The following DCP2 variants were observed in gnomAD, a reference collection of about 807,000 sequenced individuals.
DCP2 encodes the protein decapping mRNA 2, also known as m7GpppN-mRNA hydrolase.
A neutral mutation model predicts 56.1 loss-of-function variants in DCP2; 30 were observed. That is an observed-to-expected ratio of 0.53 (90% CI 0.40 to 0.73). The LOEUF is 0.73. Ranked by LOEUF, DCP2 falls within the 30% of genes least tolerant of loss-of-function variation. The pLI, the probability that DCP2 is intolerant of heterozygous loss-of-function variation, is 0.00. For synonymous variants in DCP2, 197 were observed against 163.3 expected, an observed-to-expected ratio of 1.21 and a Z score of -1.57; for missense variants, 533 against 502.7, an observed-to-expected ratio of 1.06 and a Z score of -0.58.
intron 7 of DCP2, among the ~76,000 whole-genome samples, chr5:113,003,652 A>G (rs1158657996): frequency 2.6e-5 from 4 of 152,212 alleles, no homozygotes; most frequent in African/African-American, 9.6e-5. Flanking sequence ...GTACACTATA[A>G]TCACTTATAG....
At chr5:112,991,881 C>A (rs1302695117) in intron 2 of DCP2, among the ~76,000 whole-genome samples, 2 of 152,122 alleles carry the variant, frequency 1.3e-5, no homozygotes, top group Non-Finnish European at 2.9e-5. Flanking sequence ...AAAAAGTTAA[C>A]AATGACTTTT....
At position 112,992,242 on chromosome 5, in the gene DCP2, T is replaced by G. The variant is rs1477147658; in HGVS notation, c.327T>G (p.Leu109=). 5 of 1,610,276 alleles carry G rather than the reference T, an allele frequency of 3.1e-6. No homozygotes were observed. Among genetic ancestry groups the G allele is most frequent in the Non-Finnish European group, 4.2e-6 (5 of 1,179,004 alleles). ...TYGAIILDET[L]ENVLLVQGYL... is the part of the protein sequence containing the mutation. ...GTGCAATTATTCTTGATGAGACACT[T>G]GAAAATGTGAGTGTAATGAAATAAA... Residue 109 remains leucine, a synonymous_variant, in exon 3 of 11, where the codon CTT becomes CTG. Transcript: ENST00000389063.
chr5:113,013,798 T>C lies in DCP2; in HGVS notation c.*314T>C. 4.6e-6 allele frequency: 1 copy of C among 216,070 alleles called. No homozygotes were observed. The highest frequency in any genetic ancestry group is 9.1e-6 in the Non-Finnish European group (1 of 109,580). 13.4% of individuals were successfully genotyped at this position (216,070 alleles called of 1,614,324 possible). A position where few individuals can be genotyped will look rare whatever the true frequency, so the allele number is the denominator to read the frequency against. On this transcript the variant is annotated 3_prime_UTR_variant, in exon 11 of 11. Transcript: ENST00000389063. ...AAGAAAATAATGTATTGAGTTACTG[T>C]CAAGTAGCCAAGTTAATGGGAATGC...
chr5:112,997,446 A>T (rs1023994685), intron 4 of DCP2, among the ~76,000 whole-genome samples: 1 of 152,176 alleles, frequency 6.6e-6, no homozygotes, highest in African/African-American at 2.4e-5. Context: ...GTGTAATGAA[A>T]CTGACTTTCA....
chr5:113,005,512 T>C (rs953833220), intron 8 of DCP2, among the ~76,000 whole-genome samples: 1 of 152,106 alleles, frequency 6.6e-6, no homozygotes, highest in Non-Finnish European at 1.5e-5. Flanking sequence ...AAACAAGTAT[T>C]GGTGAGGATG....
rs192457021 is a variant in DCP2 at position 112,988,447 on chromosome 5, G to A, written c.205+2461G>A. ...GCAGAGCTTGCAGTGAGCCGAGTTC[G>A]CGCCACTGCACTCCAGCCTGGGTGA... On this transcript the variant is annotated intron_variant, in intron 2 of 10. Coordinates refer to ENST00000389063, the MANE Select transcript of DCP2 (RefSeq NM_152624.6). Among the ~76,000 whole-genome samples the A allele has an allele frequency of 3.9e-3, 564 of 145,178 alleles. 1 individual carries two copies. The highest frequency in any genetic ancestry group is 6.4e-3 in the Non-Finnish European group (428 of 67,252).
intron 1 of DCP2, among the ~76,000 whole-genome samples, chr5:112,977,508 T>G (rs1747773570): frequency 6.6e-6 from 1 of 152,210 alleles, no homozygotes; most frequent in African/African-American, 2.4e-5. Context: ...GTCCGTGGCG[T>G]TCTCTGTAAA....
At chr5:113,005,160 GT>G (rs1749367025) in intron 8 of DCP2, among the ~76,000 whole-genome samples, 1 of 151,708 alleles carries the variant, frequency 6.6e-6, no homozygotes. Flanking sequence ...GGGTGTGTGT[GT>G]GTGTGTGTAA....
intron 8 of DCP2, among the ~76,000 whole-genome samples, chr5:113,007,129 T>A (rs1320562290): frequency 2.7e-5 from 4 of 149,558 alleles, no homozygotes; most frequent in South Asian, 2.1e-4. Flanking sequence ...AGACTCCATT[T>A]AAAAAAAAAA....
chr5:112,979,736 C>G (rs1006367212), intron 1 of DCP2, among the ~76,000 whole-genome samples: 1 of 152,158 alleles, frequency 6.6e-6, no homozygotes, highest in Non-Finnish European at 1.5e-5. Context: ...ATGTAACATT[C>G]TATTTATTGG....
intron 7 of DCP2, among the ~76,000 whole-genome samples, chr5:113,002,339 C>G (rs1324067265): frequency 6.6e-6 from 1 of 151,210 alleles, no homozygotes; most frequent in East Asian, 2.0e-4. Flanking sequence ...AGGAGAATGG[C>G]TTAAACCTGG....
In DCP2 at chr5:112,984,320, C is replaced by T. The variant is rs534504471; in HGVS notation, c.54-1515C>T. 4 of 152,264 alleles carry T rather than the reference C, an allele frequency of 2.6e-5. No individual in the cohort carries two copies. The South Asian group carries it at 8.3e-4, about 32-fold the overall frequency. 9.4% of individuals were successfully genotyped at this position (152,264 alleles called of 1,614,324 possible). ...AGGGCATAAGGAGTTGGATCCTGGT[C>T]ACATACACATCTAGATGGAGTTTCA... is the stretch of plus-strand genomic sequence containing the variant. On this transcript the variant is annotated intron_variant, in intron 1 of 10. Coordinates refer to ENST00000389063, the MANE Select transcript of DCP2 (RefSeq NM_152624.6).
At chr5:112,988,593 T>A (rs1031383591) in intron 2 of DCP2, among the ~76,000 whole-genome samples, 14 of 151,164 alleles carry the variant, frequency 9.3e-5, no homozygotes, top group African/African-American at 3.4e-4. Flanking sequence ...GCCATAGTAG[T>A]GGGACTACAA....
rs571929120 is a variant in DCP2 at position 113,004,444 on chromosome 5, G to A, written c.942+367G>A. On this transcript the variant is annotated intron_variant, in intron 8 of 10. Transcript: ENST00000389063. ...AACTTCGATTTTCATTGTTGTATTC[G>A]AGTGTATAATTACACTGCTATTAAT... is the stretch of plus-strand genomic sequence containing the variant. Among the ~76,000 whole-genome samples, 38 of 152,302 alleles carry A rather than the reference G, an allele frequency of 2.5e-4. No homozygotes were observed. The South Asian group carries it at 7.2e-3, about 29-fold the overall frequency.
chr5:112,978,353 T>C (rs572202607), intron 1 of DCP2, among the ~76,000 whole-genome samples: 70 of 152,342 alleles, frequency 4.6e-4, no homozygotes, highest in African/African-American at 1.7e-3. Context: ...GTTTGGTAGG[T>C]GCAGTTAGTA....
rs7670 is a variant in DCP2 at position 113,020,952 on chromosome 5, G to A, written c.*7468G>A. 0.44 allele frequency: 67,470 copies of A among 151,960 alleles called. 15,978 individuals are homozygous for A. The highest frequency in any genetic ancestry group is 0.62 in the East Asian group (3,231 of 5,176). The allele number at this position is 151,960 out of a possible 1,614,324, so 9.4% of individuals were successfully genotyped here. On this transcript the variant is annotated 3_prime_UTR_variant, in exon 11 of 11. Coordinates refer to ENST00000389063, the MANE Select transcript of DCP2 (RefSeq NM_152624.6). ...TATCAATAAAATTGGCTGCTTGGGCGGTTTTAGTTACCACCTTAGCCTGGT... is the reference window on the plus strand; with the variant it reads ...TATCAATAAAATTGGCTGCTTGGGCAGTTTTAGTTACCACCTTAGCCTGGT...
intron 9 of DCP2, among the ~76,000 whole-genome samples, chr5:113,008,928 C>T (rs1049017142): frequency 6.6e-6 from 1 of 151,882 alleles, no homozygotes; most frequent in Non-Finnish European, 1.5e-5. Flanking sequence ...ACTGCAACCT[C>T]CACTTCCCGG....
intron 1 of DCP2, among the ~76,000 whole-genome samples, chr5:112,985,027 C>G (rs1748206101): frequency 6.6e-6 from 1 of 151,782 alleles, no homozygotes; most frequent in Non-Finnish European, 1.5e-5. Flanking sequence ...TAAAAAATGA[C>G]TCTAAAAACC....
intron 1 of DCP2, chr5:112,984,469 C>T (rs1172313960): frequency 6.6e-6 from 1 of 151,786 alleles, no homozygotes; most frequent in East Asian, 1.9e-4. Flanking sequence ...TAGAGACATC[C>T]TGAGCTGACA....
Sources: allele counts gnomAD v4.1 joint callset (sites outside exome capture counted in the v4.1 genomes callset), GRCh38; gene constraint gnomAD v4.1.1; transcripts MANE v1.5; gene names NCBI Gene and HGNC (gene_info 2026-07-23, HGNC 2026-07-21).